LIX1: variants seen among roughly 807,000 people sequenced by gnomAD.
LIX1 encodes protein limb expression 1 homolog.
In LIX1, 24 loss-of-function variants were observed where a neutral mutation model predicts 33.4. The observed-to-expected ratio is 0.72, with a 90% confidence interval of 0.52 to 1.01. LIX1 has a LOEUF of 1.01. Ranked by LOEUF, LIX1 falls within the 50% of genes least tolerant of loss-of-function variation. The pLI, the probability that LIX1 is intolerant of heterozygous loss-of-function variation, is 0.00. For synonymous variants in LIX1, 124 were observed against 124.0 expected, an observed-to-expected ratio of 1.00 and a Z score of 0.00; for missense variants, 311 against 339.2, an observed-to-expected ratio of 0.92 and a Z score of 0.65.
intron 5 of LIX1, among the ~76,000 whole-genome samples, chr5:97,095,544 G>A (rs772676362): frequency 1.2e-4 from 18 of 152,322 alleles, no homozygotes; most frequent in Non-Finnish European, 2.1e-4. Context: ...AGAATCAACT[G>A]TGGTATTAGC....
intron 4 of LIX1, among the ~76,000 whole-genome samples, chr5:97,099,703 G>A (rs968009935): frequency 6.6e-6 from 1 of 152,190 alleles, no homozygotes; most frequent in African/African-American, 2.4e-5. Context: ...CAGGTGTGGT[G>A]GTGGGTACCT....
Position 97,094,308 on chromosome 5 carries a change from C to A in LIX1, c.*440G>T. 1 of 159,812 alleles carries A rather than the reference C, an allele frequency of 6.3e-6. No homozygotes were observed. The highest frequency in any genetic ancestry group is 5.9e-5 in the Admixed American group (1 of 16,856). 9.9% of individuals were successfully genotyped at this position (159,812 alleles called of 1,614,324 possible). ...TCTGATCCTTGGATATTTTTTAAAACAATCCATATTATTTATTTAATCCTA... is the reference window on the plus strand; with the variant it reads ...TCTGATCCTTGGATATTTTTTAAAAAAATCCATATTATTTATTTAATCCTA... On this transcript the variant is annotated 3_prime_UTR_variant, in exon 6 of 6. Coordinates refer to ENST00000274382, the MANE Select transcript of LIX1 (RefSeq NM_153234.5).
chr5:97,114,018 A>G (rs77192040), intron 2 of LIX1, among the ~76,000 whole-genome samples: 6,720 of 152,196 alleles, frequency 0.044, 179 homozygotes, highest in South Asian at 0.092. Flanking sequence ...AGGGAGAAGG[A>G]AAATAGAGAA....
At chr5:97,120,548 T>C (rs1747751924) in intron 2 of LIX1, among the ~76,000 whole-genome samples, 1 of 152,102 alleles carries the variant, frequency 6.6e-6, no homozygotes, top group Non-Finnish European at 1.5e-5. Flanking sequence ...CAGAGAAAAC[T>C]TTTTGTGGAG....
At chr5:97,098,183 C>T (rs1463979269) in intron 4 of LIX1, among the ~76,000 whole-genome samples, 5 of 152,168 alleles carry the variant, frequency 3.3e-5, no homozygotes, top group African/African-American at 1.2e-4. Flanking sequence ...GCTCAATACT[C>T]CTAAATTTAT....
At chr5:97,097,782 A>G (rs1746468740) in intron 4 of LIX1, among the ~76,000 whole-genome samples, 1 of 152,248 alleles carries the variant, frequency 6.6e-6, no homozygotes, top group South Asian at 2.1e-4. Flanking sequence ...GGAGTCACTC[A>G]TGCTGAAGTT....
intron 1 of LIX1, among the ~76,000 whole-genome samples, chr5:97,130,276 G>A (rs889014733): frequency 5.9e-5 from 9 of 152,214 alleles, no homozygotes; most frequent in East Asian, 1.9e-4. Context: ...TCTCTGCCTC[G>A]TTGTGCCTTC....
chr5:97,106,210 A>G (rs1367770631), intron 3 of LIX1, among the ~76,000 whole-genome samples: 1 of 152,208 alleles, frequency 6.6e-6, no homozygotes, highest in Non-Finnish European at 1.5e-5. Flanking sequence ...TTTCACACTT[A>G]TATAAATCAG....
intron 4 of LIX1, among the ~76,000 whole-genome samples, chr5:97,102,820 C>T (rs917605998): frequency 3.3e-5 from 5 of 151,532 alleles, no homozygotes; most frequent in African/African-American, 7.3e-5. Context: ...CCAAAAATAG[C>T]GCTAAATCAC....
At chr5:97,113,673 T>C (rs544614730) in intron 2 of LIX1, among the ~76,000 whole-genome samples, 13 of 152,320 alleles carry the variant, frequency 8.5e-5, no homozygotes, top group African/African-American at 2.9e-4. Flanking sequence ...GGAGTCCAGA[T>C]TTTTAACCAC....
At chr5:97,139,904 T>C (rs758702589) in intron 1 of LIX1, among the ~76,000 whole-genome samples, 1 of 152,272 alleles carries the variant, frequency 6.6e-6, no homozygotes, top group Non-Finnish European at 1.5e-5. Flanking sequence ...ACAGGTTTAA[T>C]GTATTGCAAA....
rs959077605 is a variant in LIX1, at chr5:97,094,886, T to C, written c.711A>G (p.Lys237=). ...MALRQLEEAR[K]AGQELRFYKE... ...TGTAAAACCGTAGTTCTTGTCCTGC[T>C]TTCCTGGCTTCCTCCAACTGCCTCA... Residue 237 remains lysine (K), a synonymous_variant, in exon 6 of 6, where the codon AAA becomes AAG. Transcript: ENST00000274382. 6 of 1,614,084 alleles carry C rather than the reference T, an allele frequency of 3.7e-6. No homozygotes were observed. Among genetic ancestry groups the C allele is most frequent in the Non-Finnish European group, 5.1e-6 (6 of 1,180,048 alleles).
At chr5:97,103,333 C>T (rs1386796489) in intron 4 of LIX1, among the ~76,000 whole-genome samples, 1 of 152,136 alleles carries the variant, frequency 6.6e-6, no homozygotes, top group African/African-American at 2.4e-5. Context: ...GCAAAGATTC[C>T]TTCAGAAATA....
intron 3 of LIX1, among the ~76,000 whole-genome samples, chr5:97,106,621 G>C (rs1213834005): frequency 6.6e-6 from 1 of 152,168 alleles, no homozygotes; most frequent in Non-Finnish European, 1.5e-5. Flanking sequence ...GGTGGGGACT[G>C]AAGGCTTCTT....
At position 97,105,274 on chromosome 5, in the gene LIX1, A is replaced by G; in HGVS notation, c.399T>C (p.Asp133=). Residue 133 remains aspartate (D), a synonymous_variant, in exon 4 of 6, where the codon GAT becomes GAC. Transcript: ENST00000274382. ...CACTGGTGCTGGGGTCATCTGCATC[A>G]TCTAAGGTGCCCTTGGGAAAGAAAG... The part of the protein sequence containing the change: ...EAVASTSGTL[D]DADDPSTSVG... 1 of 1,613,822 alleles carries G rather than the reference A, an allele frequency of 6.2e-7. No individual in the cohort carries two copies. Among genetic ancestry groups the G allele is most frequent in the Non-Finnish European group, 8.5e-7 (1 of 1,179,758 alleles).
chr5:97,095,137 C>G (rs556475706), intron 5 of LIX1, 102 bp from the exon 6 acceptor site: 2 of 1,060,802 alleles, frequency 1.9e-6, no homozygotes, highest in Non-Finnish European at 2.7e-6. Flanking sequence ...GTTTTATCAA[C>G]AACCCCATCT....
chr5:97,142,317 G>A (rs1253845720), intron 1 of LIX1, among the ~76,000 whole-genome samples, 178 bp downstream of exon 1: 2 of 152,222 alleles, frequency 1.3e-5, no homozygotes, highest in African/African-American at 4.8e-5. Context: ...AGTGCCTAAT[G>A]CCTGTAGGTG....
At chr5:97,096,040 A>G (rs1746359289) in intron 5 of LIX1, among the ~76,000 whole-genome samples, 1 of 152,176 alleles carries the variant, frequency 6.6e-6, no homozygotes, top group Non-Finnish European at 1.5e-5. Context: ...AGCTCCTTAT[A>G]CCCACCCTTA....
intron 2 of LIX1, among the ~76,000 whole-genome samples, chr5:97,122,766 G>C (rs1157196719): frequency 6.6e-6 from 1 of 152,132 alleles, no homozygotes; most frequent in Non-Finnish European, 1.5e-5. Flanking sequence ...AGGCAATGTG[G>C]TCCTATTTTC....
Sources: gnomAD v4.1 joint callset for allele counts (sites outside exome capture counted in the v4.1 genomes callset) on GRCh38, gnomAD v4.1.1 for gene constraint, MANE v1.5 for transcripts, NCBI Gene and HGNC (gene_info 2026-07-23, HGNC 2026-07-21) for gene names.